Variants in ADAMTSL1 observed in about 807,000 individuals in gnomAD.
The protein encoded by ADAMTSL1 is ADAMTS like 1.
A neutral mutation model predicts 201.8 loss-of-function variants in ADAMTSL1; 126 were observed. That is an observed-to-expected ratio of 0.62 (90% CI 0.54 to 0.72). The LOEUF is 0.72. ADAMTSL1 is among the 30% of genes least tolerant of loss of function. ADAMTSL1 has a pLI of 0.00. For missense variants in ADAMTSL1, 2,679 were observed against 2,277.8 expected (o/e 1.18, Z -3.59); for synonymous variants, 1,121 against 903.4 (o/e 1.24, Z -4.32).
chr9:18,801,489 A>G (rs1822798890), intron 20 of ADAMTSL1, among the ~76,000 whole-genome samples: 1 of 152,160 alleles, frequency 6.6e-6, no homozygotes, highest in South Asian at 2.1e-4. Flanking sequence ...TACTCAGCCT[A>G]GTACCCAATA....
At chr9:18,668,718 G>A (rs550414652) in intron 9 of ADAMTSL1, among the ~76,000 whole-genome samples, 17 of 152,316 alleles carry the variant, frequency 1.1e-4, no homozygotes, top group Non-Finnish European at 2.2e-4. Flanking sequence ...GTGCCAAGCA[G>A]TCACCAAACA....
chr9:18,691,547 T>C (rs1315640334), intron 13 of ADAMTSL1, among the ~76,000 whole-genome samples: 1 of 152,210 alleles, frequency 6.6e-6, no homozygotes, highest in Non-Finnish European at 1.5e-5. Flanking sequence ...TTTTTTCAGA[T>C]GCATTAAGCT....
intron 13 of ADAMTSL1, among the ~76,000 whole-genome samples, chr9:18,689,975 T>A (rs1209787299): frequency 6.6e-6 from 1 of 152,140 alleles, no homozygotes; most frequent in African/African-American, 2.4e-5. Context: ...CCATAAATAA[T>A]CTTGTTGTGA....
At chr9:18,675,313 G>C (rs1830073258) in intron 9 of ADAMTSL1, among the ~76,000 whole-genome samples, 1 of 152,090 alleles carries the variant, frequency 6.6e-6, no homozygotes. Flanking sequence ...AAATACCCAA[G>C]TGGCTACTTT....
At chr9:18,209,173 C>G (rs1328002464) in intron 2 of ADAMTSL1, among the ~76,000 whole-genome samples, 2 of 151,802 alleles carry the variant, frequency 1.3e-5, no homozygotes, top group African/African-American at 2.4e-5. Context: ...TTTTGTCTTT[C>G]TGAAATGTTT....
Position 18,681,908 on chromosome 9 carries a change from C to T in ADAMTSL1, c.1438C>T (p.Pro480Ser), listed in dbSNP as rs1328818387. 1.2e-6 allele frequency: 2 copies of T among 1,613,936 alleles called. No individual in the cohort carries two copies. The highest frequency in any genetic ancestry group is 1.7e-5 in the Admixed American group (1 of 59,980). The stretch of plus-strand genomic sequence containing the variant: ...AGGAGGCTGTAGCCCAAAAACAAAG[C>T]CCCACATAAAAGAGGAATGCATCGT... ...HTGGCSPKTKPHIKEECIVPT... is the reference protein window; with the variant it reads ...HTGGCSPKTKSHIKEECIVPT... Residue 480 changes from proline to serine, a missense_variant, in exon 12 of 29, where the codon CCC becomes TCC. Physicochemically the swap from Pro to Ser is moderately conservative, Grantham distance 74 (BLOSUM62 -1). Transcript: ENST00000380548.
intron 1 of ADAMTSL1, among the ~76,000 whole-genome samples, chr9:17,945,457 C>T (rs1483719622): frequency 1.3e-5 from 2 of 148,434 alleles, no homozygotes; most frequent in Non-Finnish European, 3.0e-5. Context: ...CCAGCCATCC[C>T]ATTACTGGGT....
Position 18,274,952 on chromosome 9 carries a change from C to A in ADAMTSL1, c.207+110971C>A, listed in dbSNP as rs148595542. Among the ~76,000 whole-genome samples, 75 of 152,268 alleles carry A rather than the reference C, an allele frequency of 4.9e-4. 1 individual carries two copies. In the East Asian group the frequency reaches 0.014, roughly 29 times the overall value. On this transcript the variant is annotated intron_variant, in intron 2 of 29. Coordinates refer to the ADAMTSL1 transcript ENST00000680146. The stretch of plus-strand genomic sequence containing the variant: ...TGAGCAAAAGTTGTTTTCATTATTT[C>A]TTCTTCATCATTGTCTTCTTTTTTC...
At chr9:18,831,197 A>G (rs1423186170) in intron 23 of ADAMTSL1, among the ~76,000 whole-genome samples, 2 of 152,236 alleles carry the variant, frequency 1.3e-5, no homozygotes, top group East Asian at 1.9e-4. Flanking sequence ...AGGGAAAGTA[A>G]CAAGTAGCCC....
intron 7 of ADAMTSL1, among the ~76,000 whole-genome samples, chr9:18,657,425 A>T (rs1159036963): frequency 1.3e-5 from 2 of 152,210 alleles, no homozygotes; most frequent in Non-Finnish European, 2.9e-5. Flanking sequence ...GTGGCAACAG[A>T]ACTCAGAAGA....
At chr9:17,987,459 A>G (rs1818975040) in intron 1 of ADAMTSL1, among the ~76,000 whole-genome samples, 1 of 152,092 alleles carries the variant, frequency 6.6e-6, no homozygotes, top group South Asian at 2.1e-4. Flanking sequence ...TATCTGACCC[A>G]TATGACTAAA....
intron 1 of ADAMTSL1, among the ~76,000 whole-genome samples, chr9:18,063,318 C>A (rs571703247): frequency 7.2e-5 from 11 of 152,312 alleles, no homozygotes; most frequent in Non-Finnish European, 1.2e-4. Flanking sequence ...CACTGAACTC[C>A]AGCTTGGGCA....
chr9:17,951,192 T>C (rs1351321958), intron 1 of ADAMTSL1, among the ~76,000 whole-genome samples: 1 of 152,136 alleles, frequency 6.6e-6, no homozygotes, highest in Non-Finnish European at 1.5e-5. Flanking sequence ...GCACAGGGCA[T>C]CATGGAGAGG....
At chr9:18,332,287 T>A (rs1010642302) in intron 2 of ADAMTSL1, among the ~76,000 whole-genome samples, 2 of 152,148 alleles carry the variant, frequency 1.3e-5, no homozygotes, top group Non-Finnish European at 2.9e-5. Context: ...TCCTATAAAG[T>A]TTTTATAATT....
rs1228464918 is a variant in ADAMTSL1, at chr9:18,817,142, T to C, written c.3839T>C (p.Val1280Ala). Residue 1280 changes from valine (V) to alanine (A), a missense_variant, in exon 21 of 29, where the codon GTG (valine) becomes GCG (alanine). Val to Ala is a moderately conservative substitution (Grantham distance 64). Coordinates refer to ENST00000380548, the MANE Select transcript of ADAMTSL1 (RefSeq NM_001040272.6). ...KPLVKTSRMTVINTEKPAVTV... is the reference protein window; with the variant it reads ...KPLVKTSRMTAINTEKPAVTV... Reference sequence around the variant, plus strand: ...CTAGTGAAAACGTCACGAATGACAGTGATCAACACGGAGAAGCCTGCAGTC... The same window carrying C: ...CTAGTGAAAACGTCACGAATGACAGCGATCAACACGGAGAAGCCTGCAGTC... The C allele has an allele frequency of 1.9e-6, 3 of 1,604,590 alleles. No homozygotes were observed. The highest frequency in any genetic ancestry group is 1.7e-5 in the Admixed American group (1 of 58,650).
chr9:18,431,141 A>G (rs1819471348), intron 2 of ADAMTSL1, among the ~76,000 whole-genome samples: 1 of 152,190 alleles, frequency 6.6e-6, no homozygotes, highest in African/African-American at 2.4e-5. Context: ...CTGGTCACCT[A>G]CTGGACAATA....
At position 18,561,081 on chromosome 9, in the gene ADAMTSL1, T is replaced by C. The variant is rs544348581; in HGVS notation, c.238-12949T>C. 3.3e-5 allele frequency among the ~76,000 whole-genome samples: 5 copies of C among 151,804 alleles called. No individual in the cohort carries two copies. The East Asian group carries it at 7.8e-4, about 24-fold the overall frequency. On this transcript the variant is annotated intron_variant, in intron 3 of 28. Transcript: ENST00000380548. ...TTCCTGTTCCTGTTTTGAAATCCGTTCCTGTTTGCTCTTGCTTCCCTAGGT... is the reference window on the plus strand; with the variant it reads ...TTCCTGTTCCTGTTTTGAAATCCGTCCCTGTTTGCTCTTGCTTCCCTAGGT...
chr9:18,155,315 A>G (rs1480830041), intron 1 of ADAMTSL1, among the ~76,000 whole-genome samples: 1 of 152,068 alleles, frequency 6.6e-6, no homozygotes, highest in Non-Finnish European at 1.5e-5. Context: ...TCTGAAACAC[A>G]TCTGCCTTTT....
intron 15 of ADAMTSL1, among the ~76,000 whole-genome samples, chr9:18,725,369 T>C (rs1817814995): frequency 3.3e-5 from 5 of 152,186 alleles, no homozygotes; most frequent in Non-Finnish European, 7.4e-5. Context: ...GAAAGTAGTA[T>C]ATGGAAGACA....
Sources: gnomAD v4.1 joint callset for allele counts (sites outside exome capture counted in the v4.1 genomes callset) on GRCh38, gnomAD v4.1.1 for gene constraint, MANE v1.5 for transcripts, NCBI Gene and HGNC (gene_info 2026-07-23, HGNC 2026-07-21) for gene names.